Variants in GLDN observed in about 807,000 individuals in gnomAD.
GLDN encodes gliomedin.
A neutral mutation model predicts 56.5 loss-of-function variants in GLDN; 47 were observed. The observed-to-expected ratio is 0.83, with a 90% CI of 0.66 to 1.06. GLDN has a LOEUF of 1.06. Ranked by LOEUF, GLDN falls within the 50% of genes least tolerant of loss-of-function variation. The probability of loss-of-function intolerance (pLI) is 0.00; values close to 1 mark genes in which losing one functional copy is unlikely to be tolerated. For missense variants in GLDN, 782 were observed against 714.3 expected, an observed-to-expected ratio of 1.09 and a Z score of -1.08; for synonymous variants, 332 against 278.8, an observed-to-expected ratio of 1.19 and a Z score of -1.90.
At position 51,362,323 on chromosome 15, in the gene GLDN, A is replaced by T. The variant is rs1237719044; in HGVS notation, c.364-15126A>T. ...AACTTGGAGAAACTCCGTCTCTACC[A>T]AATATATACAAATTAGCTCAGCATG... On this transcript the variant is annotated intron_variant, in intron 1 of 9. Transcript: ENST00000335449. Among the ~76,000 whole-genome samples, 291 of 152,190 alleles carry T rather than the reference A, an allele frequency of 1.9e-3. 1 individual carries two copies. Among genetic ancestry groups the T allele is most frequent in the African/African-American group, 6.6e-3 (275 of 41,536 alleles).
At chr15:51,388,399 C>T (rs1483092248) in intron 4 of GLDN, among the ~76,000 whole-genome samples, 2 of 152,134 alleles carry the variant, frequency 1.3e-5, no homozygotes, top group African/African-American at 4.8e-5. Context: ...CCTGAAATCA[C>T]CCCCTGGTGA....
chr15:51,343,468 A>C (rs1657429707), intron 1 of GLDN, among the ~76,000 whole-genome samples: 1 of 152,216 alleles, frequency 6.6e-6, no homozygotes, highest in Non-Finnish European at 1.5e-5. Flanking sequence ...ATTGTTTTAC[A>C]TTTTTAATCC....
chr15:51,383,405 G>T (rs772905954), intron 2 of GLDN, 31 bp from the exon 3 acceptor site: 1 of 1,613,484 alleles, frequency 6.2e-7, no homozygotes, highest in East Asian at 2.2e-5. Context: ...TTCGGTGCTG[G>T]TTTCTCAACT....
Position 51,397,510 on chromosome 15 carries a change from C to CCCAGGCCCT in GLDN, c.735_743dup (p.Pro252_Gly254dup), listed in dbSNP as rs1566950959. ...AAGGCCCACCCGGTCCACCTGGGCC[C>CCCAGGCCCT]CCAGGCCCTCCAGGTCCTCCAGGGC... On this transcript the variant is annotated inframe_insertion, in exon 6 of 10. Transcript: ENST00000335449. 6.3e-7 allele frequency: 1 copy of CCCAGGCCCT among 1,591,284 alleles called. No homozygotes were observed. Among genetic ancestry groups the CCCAGGCCCT allele is most frequent in the African/African-American group, 1.3e-5 (1 of 74,154 alleles).
chr15:51,343,950 C>A lies in GLDN; in HGVS notation c.363+1903C>A, dbSNP rs1383880087. Among the ~76,000 whole-genome samples the A allele has an allele frequency of 3.9e-5, 6 of 152,212 alleles. No homozygotes were observed. The South Asian group carries it at 8.3e-4, about 21-fold the overall frequency. On this transcript the variant is annotated intron_variant, in intron 1 of 9. Transcript: ENST00000335449. ...CATTGGTGAGTTCGGTGCAGATGGT[C>A]CAGGCACCACACTTTAAGAAATACT...
chr15:51,401,805 G>C (rs772435195), intron 9 of GLDN, 62 bp downstream of exon 9: 1 of 1,491,916 alleles, frequency 6.7e-7, no homozygotes. Context: ...TGGTGCTTTT[G>C]TGAGCAATTA....
At chr15:51,359,952 C>G (rs55942519) in intron 1 of GLDN, among the ~76,000 whole-genome samples, 26,673 of 144,434 alleles carry the variant, frequency 0.18, 2,777 homozygotes, top group Admixed American at 0.26. Flanking sequence ...GCACTCCAGC[C>G]TGGGCGACAT....
intron 6 of GLDN, among the ~76,000 whole-genome samples, chr15:51,398,188 A>G (rs2038175655): frequency 6.6e-6 from 1 of 152,254 alleles, no homozygotes; most frequent in Non-Finnish European, 1.5e-5. Context: ...ATTCAAACCC[A>G]GCTCTGCCTA....
At chr15:51,390,087 C>T (rs150015285) in intron 4 of GLDN, among the ~76,000 whole-genome samples, 8 of 152,326 alleles carry the variant, frequency 5.3e-5, no homozygotes, top group South Asian at 2.1e-4. Flanking sequence ...TCGGCTCTTC[C>T]GCTTACTAGC....
intron 1 of GLDN, among the ~76,000 whole-genome samples, chr15:51,353,794 TCACCACCAC>T (rs553882245): frequency 3.1e-5 from 4 of 129,678 alleles, no homozygotes; most frequent in Non-Finnish European, 6.3e-5. Flanking sequence ...TTCCTCAAAC[TCACCACCAC>T]CACCACCACC....
intron 9 of GLDN, among the ~76,000 whole-genome samples, chr15:51,402,788 G>A (rs2038283395): frequency 6.6e-6 from 1 of 152,168 alleles, no homozygotes; most frequent in Admixed American, 6.5e-5. Flanking sequence ...TCGGACACTG[G>A]CGTCAGCCGC....
intron 6 of GLDN, among the ~76,000 whole-genome samples, chr15:51,399,555 A>C: frequency 6.6e-6 from 1 of 152,188 alleles, no homozygotes; most frequent in East Asian, 1.9e-4. Flanking sequence ...CCCCAAGCCA[A>C]ATTGAACCAG....
intron 1 of GLDN, among the ~76,000 whole-genome samples, chr15:51,350,354 T>C (rs746998278): frequency 6.6e-6 from 1 of 151,534 alleles, no homozygotes; most frequent in Non-Finnish European, 1.5e-5. Context: ...GGGTGAGGGG[T>C]TGGGGGAGCT....
intron 4 of GLDN, among the ~76,000 whole-genome samples, chr15:51,388,217 C>T (rs2037941870): frequency 6.6e-6 from 1 of 152,160 alleles, no homozygotes; most frequent in Non-Finnish European, 1.5e-5. Flanking sequence ...AATATTGACC[C>T]CTTCCTGAAA....
intron 1 of GLDN, among the ~76,000 whole-genome samples, chr15:51,353,425 G>T (rs564710722): frequency 6.6e-6 from 1 of 152,128 alleles, no homozygotes; most frequent in Non-Finnish European, 1.5e-5. Context: ...GAACCTGTTG[G>T]GTAGTTATGC....
chr15:51,361,744 T>A (rs2037303881), intron 1 of GLDN, among the ~76,000 whole-genome samples: 1 of 152,074 alleles, frequency 6.6e-6, no homozygotes. Flanking sequence ...TTATCTATAG[T>A]GGTAGAAGGT....
chr15:51,364,172 G>A (rs1367408558), intron 1 of GLDN, among the ~76,000 whole-genome samples: 1 of 152,014 alleles, frequency 6.6e-6, no homozygotes, highest in Non-Finnish European at 1.5e-5. Context: ...AAAAGTTTCC[G>A]TCCTCCCTGC....
chr15:51,394,888 G>T lies in GLDN; in HGVS notation c.595G>T (p.Gly199Cys). 6.2e-7 allele frequency: 1 copy of T among 1,613,682 alleles called. No individual in the cohort carries two copies. The highest frequency in any genetic ancestry group is 8.5e-7 in the Non-Finnish European group (1 of 1,179,764). ...PGERGEKGDH[G>C]ELGLQGNEGP... ...GGAAAGGGGAGAAAAGGGAGACCAT[G>T]GTGAACTGGGCCTGCAGGGAAATGA... The change falls in exon 5 of 10, where the codon GGT becomes TGT. Residue 199 changes from glycine to cysteine, a missense_variant. Transcript: ENST00000335449.
intron 1 of GLDN, among the ~76,000 whole-genome samples, chr15:51,375,181 A>G (rs1484358855): frequency 6.6e-6 from 1 of 152,248 alleles, no homozygotes; most frequent in Admixed American, 6.5e-5. Flanking sequence ...CAATACAAAA[A>G]TTATTTTCCC....
Sources: allele counts gnomAD v4.1 joint callset (sites outside exome capture counted in the v4.1 genomes callset), GRCh38; gene constraint gnomAD v4.1.1; transcripts MANE v1.5; gene names NCBI Gene and HGNC (gene_info 2026-07-23, HGNC 2026-07-21).